ARHGAP21: variants seen among roughly 807,000 people sequenced by gnomAD.
The protein encoded by ARHGAP21 is rho GTPase-activating protein 21.
In ARHGAP21, 38 loss-of-function variants were observed where a neutral mutation model predicts 164.6. The ratio of observed to expected loss-of-function variants is 0.23; its 90% CI spans 0.18 to 0.30. ARHGAP21 has a LOEUF of 0.30. Ranked by LOEUF, ARHGAP21 falls within the 10% of genes least tolerant of loss-of-function variation. The pLI, the probability that ARHGAP21 is intolerant of heterozygous loss-of-function variation, is 1.00. For missense variants in ARHGAP21, 1,822 were observed against 2,370.7 expected, an observed-to-expected ratio of 0.77 and a Z score of 4.81; for synonymous variants, 766 against 857.9, an observed-to-expected ratio of 0.89 and a Z score of 1.87.
In ARHGAP21 at chr10:24,654,286, G is replaced by T. The variant is rs1036309288; in HGVS notation, c.268+12699C>A. The stretch of plus-strand genomic sequence containing the variant: ...TGGACGTTCTGGCCAGGGCAATCAG[G>T]CAAGAGAGAGAAATAAAGCATATTC... On this transcript the variant is annotated intron_variant, in intron 4 of 25. Transcript: ENST00000396432. 2.6e-5 allele frequency among the ~76,000 whole-genome samples: 4 copies of T among 152,156 alleles called. No individual in the cohort carries two copies. The South Asian group carries it at 8.3e-4, about 32-fold the overall frequency.
intron 2 of ARHGAP21, among the ~76,000 whole-genome samples, chr10:24,671,406 C>G (rs769648361): frequency 2.0e-5 from 3 of 152,170 alleles, no homozygotes; most frequent in African/African-American, 2.4e-5. Flanking sequence ...CCCACCCTCA[C>G]CTGCAGCAGA....
intron 2 of ARHGAP21, among the ~76,000 whole-genome samples, chr10:24,673,939 G>A: frequency 6.6e-6 from 1 of 152,140 alleles, no homozygotes; most frequent in East Asian, 1.9e-4. Context: ...GAAAACAGGG[G>A]AAAATCTTTA....
chr10:24,593,793 T>C (rs2076448609), intron 21 of ARHGAP21, among the ~76,000 whole-genome samples: 1 of 152,204 alleles, frequency 6.6e-6, no homozygotes, highest in African/African-American at 2.4e-5. Flanking sequence ...TAGAGACTAT[T>C]TCAGCTATAA....
At chr10:24,623,702 T>C (rs1834803157) in intron 7 of ARHGAP21, among the ~76,000 whole-genome samples, 1 of 152,140 alleles carries the variant, frequency 6.6e-6, no homozygotes, top group South Asian at 2.1e-4. Context: ...AAAAGGAGGA[T>C]GGGGGAGAGG....
chr10:24,693,976 C>A (rs1435040710), intron 2 of ARHGAP21, among the ~76,000 whole-genome samples: 1 of 152,122 alleles, frequency 6.6e-6, no homozygotes, highest in Non-Finnish European at 1.5e-5. Flanking sequence ...ATTTTACAGC[C>A]TATACCCAGC....
chr10:24,589,552 TAAACAA>T (rs1176018438), intron 24 of ARHGAP21: 2 of 432,290 alleles, frequency 4.6e-6, no homozygotes, highest in Non-Finnish European at 4.1e-6. Flanking sequence ...AGCCCTGTGC[TAAACAA>T]AAACAGAAAC....
At chr10:24,712,368 T>G (rs968598747) in intron 2 of ARHGAP21, among the ~76,000 whole-genome samples, 1 of 152,184 alleles carries the variant, frequency 6.6e-6, no homozygotes, top group Non-Finnish European at 1.5e-5. Flanking sequence ...ATCTATACAG[T>G]GGTCCTTCAA....
Position 24,608,077 on chromosome 10 carries a change from T to G in ARHGAP21, c.2423-174A>C, listed in dbSNP as rs148855107. Among the ~76,000 whole-genome samples, 180 of 152,288 alleles carry G rather than the reference T, an allele frequency of 1.2e-3. 1 individual carries two copies. The highest frequency in any genetic ancestry group is 4.2e-3 in the African/African-American group (175 of 41,530). On this transcript the variant is annotated intron_variant, in intron 9 of 25. Transcript: ENST00000396432. ...AAAAATTGATTTACAGTTATTACTC[T>G]AGTAATTCTAAATAATTCTGAGAAT...
chr10:24,697,881 AAAAT>A (rs1843315149), intron 2 of ARHGAP21, among the ~76,000 whole-genome samples: 2 of 152,086 alleles, frequency 1.3e-5, no homozygotes, highest in Non-Finnish European at 2.9e-5. Context: ...AAAAATAAAA[AAAAT>A]AAAAAAACCC....
chr10:24,597,605 G>A lies in ARHGAP21; in HGVS notation c.3198-22C>T, dbSNP rs140690911. On this transcript the variant is annotated intron_variant, in intron 15 of 25. Transcript: ENST00000396432. ...TTTGCTGTTGAAGGAAATGACATTTGTTAACAATTACAGTAATCCCCCTCT... is the reference window on the plus strand; with the variant it reads ...TTTGCTGTTGAAGGAAATGACATTTATTAACAATTACAGTAATCCCCCTCT... 608 of 1,613,026 alleles carry A rather than the reference G, an allele frequency of 3.8e-4. 2 individuals carry two copies. The African/African-American group carries it at 7.2e-3, about 19-fold the overall frequency.
At chr10:24,652,904 CTAGA>C (rs1838338238) in intron 4 of ARHGAP21, among the ~76,000 whole-genome samples, 1 of 152,100 alleles carries the variant, frequency 6.6e-6, no homozygotes. Flanking sequence ...CCAGCAATGC[CTAGA>C]TATACATACC....
At chr10:24,590,460 A>G (rs1391375426) in intron 24 of ARHGAP21, 6 of 1,535,346 alleles carry the variant, frequency 3.9e-6, no homozygotes, top group Non-Finnish European at 5.2e-6. Context: ...TTACCGTGTG[A>G]TAGACTCCTC....
intron 2 of ARHGAP21, among the ~76,000 whole-genome samples, chr10:24,686,359 G>T (rs1842210487): frequency 6.6e-6 from 1 of 152,014 alleles, no homozygotes; most frequent in African/African-American, 2.4e-5. Context: ...AGCCCAAGAG[G>T]TCAAGGCTGC....
intron 4 of ARHGAP21, among the ~76,000 whole-genome samples, chr10:24,652,270 T>C (rs1001917678): frequency 2.6e-5 from 4 of 152,172 alleles, no homozygotes; most frequent in African/African-American, 9.7e-5. Context: ...CACAAAATAG[T>C]GTGGGGCCAA....
intron 3 of ARHGAP21, among the ~76,000 whole-genome samples, chr10:24,667,463 T>C (rs1253712660): frequency 6.6e-6 from 1 of 152,204 alleles, no homozygotes; most frequent in Non-Finnish European, 1.5e-5. Context: ...GCTGTCTATA[T>C]AAATGGATTG....
chr10:24,687,438 A>T (rs1017425077), intron 2 of ARHGAP21, among the ~76,000 whole-genome samples: 1 of 152,224 alleles, frequency 6.6e-6, no homozygotes, highest in African/African-American at 2.4e-5. Flanking sequence ...TTGTTGGGGA[A>T]TTGTTCTTAT....
intron 2 of ARHGAP21, among the ~76,000 whole-genome samples, chr10:24,692,173 G>A (rs2132025773): frequency 6.6e-6 from 1 of 152,312 alleles, no homozygotes. Context: ...TGGGAGGGAA[G>A]GACATAAGTT....
chr10:24,632,253 G>T (rs191249608), intron 6 of ARHGAP21, among the ~76,000 whole-genome samples: 2 of 152,278 alleles, frequency 1.3e-5, no homozygotes, highest in East Asian at 3.9e-4. Context: ...AGAAAACAAT[G>T]ATTAAGTTGG....
At chr10:24,599,043 A>G (rs2076701468) in intron 14 of ARHGAP21, among the ~76,000 whole-genome samples, 1 of 152,214 alleles carries the variant, frequency 6.6e-6, no homozygotes, top group Admixed American at 6.5e-5. Flanking sequence ...TTGTTTTCTC[A>G]TCTATAAAAC....
Sources: gnomAD v4.1 joint callset for allele counts (sites outside exome capture counted in the v4.1 genomes callset) on GRCh38, gnomAD v4.1.1 for gene constraint, MANE v1.5 for transcripts, NCBI Gene and HGNC (gene_info 2026-07-23, HGNC 2026-07-21) for gene names.